Variants in PCDH9 observed in about 807,000 individuals in gnomAD.
PCDH9 encodes the protein protocadherin 9.
PCDH9 carries 24 observed loss-of-function variants against 70.6 expected under a neutral mutation model. The ratio of observed to expected loss-of-function variants is 0.34; its 90% CI spans 0.25 to 0.48. The LOEUF (loss-of-function observed/expected upper bound fraction) is 0.48, where lower values mean the gene tolerates loss of function less well. Ranked by LOEUF, PCDH9 falls within the 20% of genes least tolerant of loss-of-function variation. PCDH9 has a pLI of 0.99. For synonymous variants in PCDH9, 562 were observed against 558.5 expected (o/e 1.01, Z -0.09); for missense variants, 1,281 against 1,503.6 (o/e 0.85, Z 2.45).
At chr13:66,471,825 A>G (rs1958624800) in intron 4 of PCDH9, among the ~76,000 whole-genome samples, 1 of 152,234 alleles carries the variant, frequency 6.6e-6, no homozygotes, top group Non-Finnish European at 1.5e-5. Context: ...AACAGAAGGG[A>G]AAGTGTGGGT....
chr13:66,675,621 T>G (rs1376953320), intron 3 of PCDH9, among the ~76,000 whole-genome samples: 1 of 152,180 alleles, frequency 6.6e-6, no homozygotes, highest in East Asian at 1.9e-4. Flanking sequence ...CTTAACCAAA[T>G]TGAGCTTCAG....
At chr13:66,815,424 T>C (rs892247380) in intron 3 of PCDH9, among the ~76,000 whole-genome samples, 1 of 152,144 alleles carries the variant, frequency 6.6e-6, no homozygotes, top group Admixed American at 6.6e-5. Context: ...TTATTGGGTA[T>C]ACACCCAAAG....
At chr13:67,161,914 A>G (rs531390010) in intron 2 of PCDH9, among the ~76,000 whole-genome samples, 1 of 152,316 alleles carries the variant, frequency 6.6e-6, no homozygotes, top group East Asian at 1.9e-4. Flanking sequence ...CCAACTTACT[A>G]AAGTGATAAC....
At chr13:66,417,776 A>G (rs1957487535) in intron 4 of PCDH9, among the ~76,000 whole-genome samples, 1 of 152,084 alleles carries the variant, frequency 6.6e-6, no homozygotes, top group East Asian at 1.9e-4. Context: ...GCTTTTTTAC[A>G]TATGTTTGTT....
intron 2 of PCDH9, among the ~76,000 whole-genome samples, chr13:67,033,281 T>A (rs2084943629): frequency 6.6e-6 from 1 of 152,078 alleles, no homozygotes; most frequent in South Asian, 2.1e-4. Context: ...AAAGTCAATG[T>A]TGAAATAAAT....
chr13:66,479,439 A>G (rs35689097), intron 4 of PCDH9, among the ~76,000 whole-genome samples: 49,838 of 152,084 alleles, frequency 0.33, 8,337 homozygotes, highest in African/African-American at 0.37. Context: ...ATGGATCTGT[A>G]AACAGTAAAT....
chr13:66,617,209 G>A (rs2138888085), intron 4 of PCDH9, among the ~76,000 whole-genome samples: 1 of 152,244 alleles, frequency 6.6e-6, no homozygotes, highest in East Asian at 1.9e-4. Flanking sequence ...TGCACTCATG[G>A]TGGCACCTGC....
intron 2 of PCDH9, chr13:67,212,703 A>C (rs933849812): frequency 3.3e-4 from 50 of 152,206 alleles, no homozygotes; most frequent in African/African-American, 9.7e-4. Flanking sequence ...AATATCGTTC[A>C]GTAGTCTAGT....
rs1356076178 is a variant in PCDH9 at position 66,939,422 on chromosome 13, A to ATGTGTGTG, written c.3037-35818_3037-35817insCACACACA. 8.4e-5 allele frequency among the ~76,000 whole-genome samples: 5 copies of ATGTGTGTG among 59,796 alleles called. No homozygotes were observed. In the South Asian group the frequency reaches 2.9e-3, roughly 35 times the overall value. The allele number at this position is 59,796 out of a possible 152,430, so 39.2% of individuals were successfully genotyped here. ...AAGAAAGGTGAGGTCACTTTAAAAT[A>ATGTGTGTG]TATGTGTGTGTGTGTGTGTGTGTGT... On this transcript the variant is annotated intron_variant, in intron 2 of 4. Coordinates refer to ENST00000377865, the MANE Select transcript of PCDH9 (RefSeq NM_203487.3).
chr13:66,866,458 G>T (rs1348175529), intron 3 of PCDH9, among the ~76,000 whole-genome samples: 1 of 151,696 alleles, frequency 6.6e-6, no homozygotes, highest in East Asian at 1.9e-4. Context: ...CTCCAGCCTG[G>T]GGGACAGAGC....
chr13:66,680,322 T>G (rs2078301310), intron 3 of PCDH9, among the ~76,000 whole-genome samples: 1 of 152,000 alleles, frequency 6.6e-6, no homozygotes, highest in South Asian at 2.1e-4. Context: ...TTCCTTTCAT[T>G]GAAGAAAGAC....
chr13:67,050,365 G>A (rs939728758), intron 2 of PCDH9, among the ~76,000 whole-genome samples: 2 of 152,102 alleles, frequency 1.3e-5, no homozygotes, highest in African/African-American at 2.4e-5. Context: ...CACCTACTCA[G>A]TTCCTACCAT....
intron 3 of PCDH9, among the ~76,000 whole-genome samples, chr13:66,861,575 C>G (rs1385353716): frequency 2.6e-5 from 4 of 152,124 alleles, no homozygotes. Context: ...AAAGGTTGTA[C>G]TTAAGTTTAA....
At chr13:66,700,497 A>G (rs1165965928) in intron 3 of PCDH9, among the ~76,000 whole-genome samples, 1 of 152,202 alleles carries the variant, frequency 6.6e-6, no homozygotes, top group African/African-American at 2.4e-5. Context: ...GTCTGAGCCT[A>G]TTACAACTTC....
chr13:66,380,430 G>T (rs901095436), intron 4 of PCDH9, among the ~76,000 whole-genome samples: 1 of 150,764 alleles, frequency 6.6e-6, no homozygotes, highest in Non-Finnish European at 1.5e-5. Flanking sequence ...CTTGTGAAGT[G>T]ATAAGACAAA....
intron 4 of PCDH9, among the ~76,000 whole-genome samples, chr13:66,324,391 C>A (rs1042732862): frequency 6.6e-6 from 1 of 151,962 alleles, no homozygotes; most frequent in Non-Finnish European, 1.5e-5. Context: ...CCCATTATTT[C>A]CATTAGGAAA....
intron 2 of PCDH9, among the ~76,000 whole-genome samples, chr13:67,114,102 A>G (rs1288604927): frequency 6.6e-6 from 1 of 152,226 alleles, no homozygotes; most frequent in East Asian, 1.9e-4. Context: ...GGTTAATTCA[A>G]TATTTTAAAA....
chr13:66,339,156 A>G (rs1357361796), intron 4 of PCDH9, among the ~76,000 whole-genome samples: 2 of 152,070 alleles, frequency 1.3e-5, no homozygotes, highest in Admixed American at 1.3e-4. Flanking sequence ...CCACAGTTGT[A>G]GCTTTTATGA....
intron 4 of PCDH9, among the ~76,000 whole-genome samples, chr13:66,579,866 G>A (rs1313180850): frequency 1.3e-5 from 2 of 151,730 alleles, no homozygotes; most frequent in African/African-American, 4.9e-5. Flanking sequence ...AAGTTAGAAA[G>A]AAGTAATCTT....
Sources: allele counts gnomAD v4.1 joint callset (sites outside exome capture counted in the v4.1 genomes callset), GRCh38; gene constraint gnomAD v4.1.1; transcripts MANE v1.5; gene names NCBI Gene and HGNC (gene_info 2026-07-23, HGNC 2026-07-21).